Variants in ATP6V0D1 observed in about 807,000 individuals in gnomAD.
ATP6V0D1 encodes ATPase H+ transporting V0 subunit d1, also known as V-type proton ATPase subunit d 1.
In ATP6V0D1, 13 loss-of-function variants were observed where a neutral mutation model predicts 39.0. The observed-to-expected ratio is 0.33, with a 90% CI of 0.22 to 0.53. The LOEUF (loss-of-function observed/expected upper bound fraction) is 0.53, where lower values mean the gene tolerates loss of function less well. Ranked by LOEUF, ATP6V0D1 falls within the 20% of genes least tolerant of loss-of-function variation. ATP6V0D1 has a pLI of 0.94. For missense variants in ATP6V0D1, 272 were observed against 470.9 expected, an observed-to-expected ratio of 0.58 and a Z score of 3.91; for synonymous variants, 191 against 191.2, an observed-to-expected ratio of 1.00 and a Z score of 0.01.
intron 2 of ATP6V0D1, chr16:67,452,359 G>T: frequency 6.5e-7 from 1 of 1,535,730 alleles, no homozygotes; most frequent in African/African-American, 1.4e-5. Flanking sequence ...TCTGACTCCT[G>T]CCTGAGAATG....
chr16:67,474,217 C>T (rs2041397517), intron 1 of ATP6V0D1, among the ~76,000 whole-genome samples: 1 of 152,218 alleles, frequency 6.6e-6, no homozygotes. Context: ...AGCACCTGGC[C>T]TCTCCAACTG....
In ATP6V0D1 at chr16:67,438,325, G is replaced by C. The variant is rs1182884564; in HGVS notation, c.*203C>G. On this transcript the variant is annotated 3_prime_UTR_variant, in exon 8 of 8. Transcript: ENST00000290949. ...GTCTTCGTCCATCCTTGGTGGGGGG[G>C]GGTGCCCAGCCCCTTTTCAGGCCTA... The C allele has an allele frequency of 1.9e-5, 12 of 633,738 alleles. No individual in the cohort carries two copies. Among genetic ancestry groups the C allele is most frequent in the Admixed American group, 1.2e-4 (4 of 32,626 alleles). 39.3% of individuals were successfully genotyped at this position (633,738 alleles called of 1,614,324 possible).
At position 67,447,420 on chromosome 16, in the gene ATP6V0D1, G is replaced by A. The variant is rs1016343373; in HGVS notation, c.303-2714C>T. On this transcript the variant is annotated intron_variant, in intron 2 of 7. Coordinates refer to ENST00000290949, the MANE Select transcript of ATP6V0D1 (RefSeq NM_004691.5). The surrounding 1 kb of genome is among the most constrained non-coding windows in gnomAD (Gnocchi z 4.1). ...AAGGCCGAGGCCTTCGGCAGGCAGGGAAATCCTCCTCTTCCTCCTTGCCTG... is the reference window on the plus strand; with the variant it reads ...AAGGCCGAGGCCTTCGGCAGGCAGGAAAATCCTCCTCTTCCTCCTTGCCTG... 1.2e-4 allele frequency among the ~76,000 whole-genome samples: 18 copies of A among 152,212 alleles called. No homozygotes were observed. The highest frequency in any genetic ancestry group is 4.3e-4 in the African/African-American group (18 of 41,458).
intron 2 of ATP6V0D1, among the ~76,000 whole-genome samples, chr16:67,448,826 G>A (rs1318733636): frequency 6.6e-6 from 1 of 152,202 alleles, no homozygotes; most frequent in Non-Finnish European, 1.5e-5. Context: ...GACCCCAGGA[G>A]AAGAGTGAAA....
chr16:67,442,475 T>G (rs1484119535), intron 4 of ATP6V0D1, among the ~76,000 whole-genome samples: 1 of 152,160 alleles, frequency 6.6e-6, no homozygotes, highest in Admixed American at 6.5e-5. Context: ...TTTTAAATTT[T>G]TAAACTTTCC....
chr16:67,469,659 G>A (rs112212571), intron 1 of ATP6V0D1, among the ~76,000 whole-genome samples: 37 of 152,272 alleles, frequency 2.4e-4, no homozygotes, highest in Admixed American at 3.9e-4. Context: ...GACCACAAAG[G>A]TCCCAGGCTC....
intron 1 of ATP6V0D1, among the ~76,000 whole-genome samples, chr16:67,478,001 G>A (rs757286699): frequency 4.5e-4 from 69 of 152,274 alleles, no homozygotes; most frequent in Middle Eastern, 3.4e-3. Flanking sequence ...AGAGGAAAGC[G>A]AAATTCTGGA....
chr16:67,475,762 A>G (rs917351392), intron 1 of ATP6V0D1, among the ~76,000 whole-genome samples: 1 of 152,220 alleles, frequency 6.6e-6, no homozygotes, highest in Non-Finnish European at 1.5e-5. Context: ...GAGAAGAGCT[A>G]AACTAGCCAT....
intron 1 of ATP6V0D1, among the ~76,000 whole-genome samples, chr16:67,475,185 G>A (rs532279597): frequency 2.0e-5 from 3 of 152,248 alleles, no homozygotes; most frequent in South Asian, 2.1e-4. Context: ...TGGTTTTTAC[G>A]ATCCTTCTAG....
intron 1 of ATP6V0D1, among the ~76,000 whole-genome samples, chr16:67,479,717 C>T (rs1279382595): frequency 6.6e-6 from 1 of 152,116 alleles, no homozygotes; most frequent in African/African-American, 2.4e-5. Context: ...ATCTGGCCAT[C>T]CTCCCCCCAC....
intron 1 of ATP6V0D1, among the ~76,000 whole-genome samples, chr16:67,469,736 T>C (rs942658795): frequency 5.9e-5 from 9 of 152,246 alleles, no homozygotes; most frequent in Admixed American, 6.5e-5. Flanking sequence ...TACCTATATG[T>C]CCTAATTTTC....
Position 67,444,837 on chromosome 16 carries a change from G to A in ATP6V0D1, c.303-131C>T, listed in dbSNP as rs770212033. ...ATGTATGCTGACTCATGGGTGCTGC[G>A]GATAAGCACCAGTGTCTCCTCTCCC... is the stretch of plus-strand genomic sequence containing the variant. On this transcript the variant is annotated intron_variant, in intron 2 of 7. Coordinates refer to ENST00000290949, the MANE Select transcript of ATP6V0D1 (RefSeq NM_004691.5). This position sits in a 1 kb window ranked among gnomAD's most constrained non-coding sequence, Gnocchi z 4.8. 7.7e-5 allele frequency: 63 copies of A among 815,028 alleles called. No homozygotes were observed. The highest frequency in any genetic ancestry group is 1.9e-4 in the Admixed American group (6 of 32,210). 50.5% of individuals were successfully genotyped at this position (815,028 alleles called of 1,614,324 possible). A position where few individuals can be genotyped will look rare whatever the true frequency, so the allele number is the denominator to read the frequency against.
intron 1 of ATP6V0D1, among the ~76,000 whole-genome samples, chr16:67,472,364 C>T (rs187321796): frequency 1.3e-5 from 2 of 152,166 alleles, no homozygotes; most frequent in Admixed American, 6.5e-5. Context: ...TTCTGCACAC[C>T]CTTCTCCCAA....
chr16:67,453,815 C>A lies in ATP6V0D1; in HGVS notation c.131-100G>T. On this transcript the variant is annotated intron_variant, in intron 1 of 7. Coordinates refer to ENST00000290949, the MANE Select transcript of ATP6V0D1 (RefSeq NM_004691.5). This position sits in a 1 kb window ranked among gnomAD's most constrained non-coding sequence, Gnocchi z 4.1. ...CCAACTCAGCCCCAGCTCTCCCCTG[C>A]AGTTGTGTCCCGCTACTACCCTGAT... 1 of 1,170,688 alleles carries A rather than the reference C, an allele frequency of 8.5e-7. No individual in the cohort carries two copies. The highest frequency in any genetic ancestry group is 1.4e-5 in the South Asian group (1 of 71,482). 72.5% of individuals were successfully genotyped at this position (1,170,688 alleles called of 1,614,324 possible). A position where few individuals can be genotyped will look rare whatever the true frequency, so the allele number is the denominator to read the frequency against.
intron 1 of ATP6V0D1, chr16:67,457,131 A>C (rs999083065): frequency 1.3e-5 from 2 of 155,318 alleles, no homozygotes; most frequent in East Asian, 1.9e-4. Flanking sequence ...TCATCCCAAC[A>C]TGAAGCGGGC....
At chr16:67,480,857 C>T in intron 1 of ATP6V0D1, 100 bp downstream of exon 1, 2 of 1,509,688 alleles carry the variant, frequency 1.3e-6, no homozygotes, top group Non-Finnish European at 9.0e-7. Flanking sequence ...AGAGGCCTCT[C>T]AGGCCCTTCA....
At chr16:67,439,192 G>A in intron 5 of ATP6V0D1, 45 bp from the exon 6 acceptor site, 1 of 1,613,518 alleles carries the variant, frequency 6.2e-7, no homozygotes, top group Middle Eastern at 1.7e-4. Flanking sequence ...GGAAGAAGGA[G>A]GCAGTAGCCA....
rs1296785148 is a variant in ATP6V0D1, at chr16:67,444,251, T to C, written c.481+277A>G. 6.6e-6 allele frequency among the ~76,000 whole-genome samples: 1 copy of C among 152,182 alleles called. No homozygotes were observed. Among genetic ancestry groups the C allele is most frequent in the Non-Finnish European group, 1.5e-5 (1 of 68,028 alleles). On this transcript the variant is annotated intron_variant, in intron 3 of 7. Transcript: ENST00000290949. This position sits in a 1 kb window ranked among gnomAD's most constrained non-coding sequence, Gnocchi z 4.8. ...CTTCTCCATGAGCTCAGCCCTCCTC[T>C]GCACTCTGGGAGATCAGACTGCTTC... is the stretch of plus-strand genomic sequence containing the variant.
chr16:67,449,680 A>G (rs1262498663), intron 2 of ATP6V0D1, among the ~76,000 whole-genome samples: 1 of 152,182 alleles, frequency 6.6e-6, no homozygotes, highest in Non-Finnish European at 1.5e-5. Context: ...GAGTCCTCCC[A>G]ATGCTGTGAA....
Sources: gnomAD v4.1 joint callset for allele counts (sites outside exome capture counted in the v4.1 genomes callset) on GRCh38, gnomAD v4.1.1 for gene constraint, Gnocchi (gnomAD v3.1) non-coding constraint, MANE v1.5 for transcripts, NCBI Gene and HGNC (gene_info 2026-07-23, HGNC 2026-07-21) for gene names.